The following IGF1R variants were observed in gnomAD, a reference collection of about 807,000 sequenced individuals.
The protein encoded by IGF1R is insulin like growth factor 1 receptor.
Under a neutral mutation model 144.6 loss-of-function variants are expected in IGF1R, and 44 were observed. The observed-to-expected ratio is 0.30, with a 90% confidence interval of 0.24 to 0.39. The LOEUF (loss-of-function observed/expected upper bound fraction) is 0.39. Ranked by LOEUF, IGF1R falls within the 10% of genes least tolerant of loss-of-function variation. The probability of loss-of-function intolerance (pLI) is 1.00; values close to 1 mark genes in which losing one functional copy is unlikely to be tolerated. For synonymous variants in IGF1R, 795 were observed against 722.8 expected, an observed-to-expected ratio of 1.10 and a Z score of -1.60; for missense variants, 1,355 against 1,833.7, an observed-to-expected ratio of 0.74 and a Z score of 4.77.
chr15:98,707,994 A>T lies in IGF1R; in HGVS notation c.527A>T (p.Lys176Met). Residue 176 changes from lysine (K) to methionine (M), a missense_variant, in exon 2 of 21, where the codon AAG becomes ATG. By Grantham distance (95) the Lys-to-Met change is moderately conservative. Coordinates refer to ENST00000650285, the MANE Select transcript of IGF1R (RefSeq NM_000875.5). This position sits in a 1 kb window ranked among gnomAD's most constrained non-coding sequence, Gnocchi z 6.7. ...NNYIVGNKPP[K>M]ECGDLCPGTM... is the part of the protein sequence containing the mutation. The stretch of plus-strand genomic sequence containing the variant: ...TACATTGTGGGGAATAAGCCCCCAA[A>T]GGAATGTGGGGACCTGTGTCCAGGG... The T allele has an allele frequency of 6.2e-7, 1 of 1,614,146 alleles. No individual in the cohort carries two copies. Among genetic ancestry groups the T allele is most frequent in the Non-Finnish European group, 8.5e-7 (1 of 1,180,006 alleles).
At chr15:98,864,610 T>C (rs2141590639) in intron 2 of IGF1R, among the ~76,000 whole-genome samples, 1 of 152,342 alleles carries the variant, frequency 6.6e-6, no homozygotes, top group Non-Finnish European at 1.5e-5. Context: ...CCTCTTGAAC[T>C]CCTGGCCTCA....
At chr15:98,737,090 T>G (rs2054629133) in intron 2 of IGF1R, among the ~76,000 whole-genome samples, 1 of 152,236 alleles carries the variant, frequency 6.6e-6, no homozygotes, top group Non-Finnish European at 1.5e-5. Flanking sequence ...GTTGAGTGTT[T>G]TGAGAGGGAC....
intron 1 of IGF1R, among the ~76,000 whole-genome samples, chr15:98,689,691 A>G (rs575835012): frequency 6.6e-6 from 1 of 152,348 alleles, no homozygotes; most frequent in South Asian, 2.1e-4. Flanking sequence ...GGTTCTTGCC[A>G]CACTTTGCTG....
intron 2 of IGF1R, among the ~76,000 whole-genome samples, chr15:98,744,346 A>C (rs2054815519): frequency 6.6e-6 from 1 of 152,044 alleles, no homozygotes; most frequent in Non-Finnish European, 1.5e-5. Context: ...CAGAGTGAGA[A>C]ATGAAGACCT....
At chr15:98,898,475 C>T (rs1436449539) in intron 4 of IGF1R, among the ~76,000 whole-genome samples, 11 of 152,214 alleles carry the variant, frequency 7.2e-5, no homozygotes, top group Non-Finnish European at 1.0e-4. Flanking sequence ...TCCTGCCCCA[C>T]GTTTAAAATT....
intron 2 of IGF1R, among the ~76,000 whole-genome samples, chr15:98,802,031 T>C (rs562383525): frequency 1.1e-3 from 171 of 152,324 alleles, no homozygotes; most frequent in Non-Finnish European, 2.0e-3. Flanking sequence ...TTCTCCTGCA[T>C]GGGGTCATGT....
In IGF1R at chr15:98,958,577, C is replaced by T. The variant is rs1382925778; in HGVS notation, c.*1135C>T. ...AGCTTTGTTGACATTTTCTCTGTTCCTAGGACTTCTTCATGGGTCTTACAG... is the reference window on the plus strand; with the variant it reads ...AGCTTTGTTGACATTTTCTCTGTTCTTAGGACTTCTTCATGGGTCTTACAG... On this transcript the variant is annotated 3_prime_UTR_variant, in exon 21 of 21. Coordinates refer to ENST00000650285, the MANE Select transcript of IGF1R (RefSeq NM_000875.5). 8.6e-6 allele frequency: 2 copies of T among 232,802 alleles called. No homozygotes were observed. Among genetic ancestry groups the T allele is most frequent in the Non-Finnish European group, 1.7e-5 (2 of 117,552 alleles). The allele number at this position is 232,802 out of a possible 1,614,324, so 14.4% of individuals were successfully genotyped here. A position where few individuals can be genotyped will look rare whatever the true frequency, so the allele number is the denominator to read the frequency against.
intron 2 of IGF1R, among the ~76,000 whole-genome samples, chr15:98,876,249 G>A (rs2013052206): frequency 6.6e-6 from 1 of 151,580 alleles, no homozygotes; most frequent in South Asian, 2.1e-4. Flanking sequence ...CTCATGGGAT[G>A]CCTGTGTTCT....
intron 2 of IGF1R, among the ~76,000 whole-genome samples, chr15:98,797,650 G>T (rs763902669): frequency 6.6e-6 from 1 of 152,124 alleles, no homozygotes; most frequent in Non-Finnish European, 1.5e-5. Flanking sequence ...TCCTCTTCTG[G>T]ATGTGTGCTT....
At position 98,961,184 on chromosome 15, in the gene IGF1R, A is replaced by G. The variant is rs950544087; in HGVS notation, c.*3742A>G. ...TTGGATCAGGGTTTTGTTCTTCCACACTGTAGGTGACCCCTTGGAATAACG... is the reference window on the plus strand; with the variant it reads ...TTGGATCAGGGTTTTGTTCTTCCACGCTGTAGGTGACCCCTTGGAATAACG... On this transcript the variant is annotated 3_prime_UTR_variant, in exon 21 of 21. Coordinates refer to ENST00000650285, the MANE Select transcript of IGF1R (RefSeq NM_000875.5). 1 of 233,320 alleles carries G rather than the reference A, an allele frequency of 4.3e-6. No homozygotes were observed. Among genetic ancestry groups the G allele is most frequent in the African/African-American group, 2.2e-5 (1 of 45,274 alleles). 14.5% of individuals were successfully genotyped at this position (233,320 alleles called of 1,614,324 possible).
At position 98,673,601 on chromosome 15, in the gene IGF1R, C is replaced by T. The variant is rs555726800; in HGVS notation, c.94+23926C>T. Among the ~76,000 whole-genome samples the T allele has an allele frequency of 2.0e-5, 3 of 152,276 alleles. No individual in the cohort carries two copies. In the South Asian group the frequency reaches 6.2e-4, roughly 32 times the overall value. On this transcript the variant is annotated intron_variant, in intron 1 of 20. Coordinates refer to ENST00000650285, the MANE Select transcript of IGF1R (RefSeq NM_000875.5). ...ACACCTGTGCTTGCCTTGAATGGGG[C>T]GGTGACCACTGGATCCCCCCATGCT...
chr15:98,654,440 A>C (rs554745172), intron 1 of IGF1R, among the ~76,000 whole-genome samples: 1 of 152,212 alleles, frequency 6.6e-6, no homozygotes, highest in East Asian at 1.9e-4. Context: ...CATATTGCTT[A>C]GTTAGCTTTC....
At chr15:98,725,216 G>GCA (rs2054329927) in intron 2 of IGF1R, among the ~76,000 whole-genome samples, 1 of 152,154 alleles carries the variant, frequency 6.6e-6, no homozygotes, top group Non-Finnish European at 1.5e-5. Flanking sequence ...AAGGTATTCT[G>GCA]ATGGTGGAAT....
At chr15:98,792,557 GT>G (rs1206163382) in intron 2 of IGF1R, among the ~76,000 whole-genome samples, 2 of 152,162 alleles carry the variant, frequency 1.3e-5, no homozygotes, top group East Asian at 3.8e-4. Flanking sequence ...ATGGTAGGTG[GT>G]TGTTACCCAG....
At position 98,899,678 on chromosome 15, in the gene IGF1R, A is replaced by T; in HGVS notation, c.1247+57A>T. 4 of 1,569,344 alleles carry T rather than the reference A, an allele frequency of 2.5e-6. No homozygotes were observed. The East Asian group carries it at 9.0e-5, about 35-fold the overall frequency. On this transcript the variant is annotated intron_variant, in intron 5 of 20. Transcript: ENST00000650285. ...CTATTACAAAATAAGCAGCGTGCTT[A>T]TGAAACTGTGTTGCTGAGGTAAGAG...
chr15:98,711,375 T>C (rs1378816910), intron 2 of IGF1R, among the ~76,000 whole-genome samples: 2 of 152,184 alleles, frequency 1.3e-5, no homozygotes, highest in African/African-American at 4.8e-5. Flanking sequence ...TGTCGTGCTG[T>C]TGCGCGGTTT....
chr15:98,829,193 G>A (rs2056955945), intron 2 of IGF1R, among the ~76,000 whole-genome samples: 1 of 152,136 alleles, frequency 6.6e-6, no homozygotes, highest in Admixed American at 6.6e-5. Context: ...CATGTAGAAT[G>A]GCAGAAGACT....
intron 2 of IGF1R, among the ~76,000 whole-genome samples, chr15:98,869,780 G>A (rs2012683427): frequency 6.6e-6 from 1 of 152,214 alleles, no homozygotes; most frequent in African/African-American, 2.4e-5. Context: ...CTTAAAGTCT[G>A]TATGTGCACA....
At chr15:98,749,513 A>G (rs1270385029) in intron 2 of IGF1R, among the ~76,000 whole-genome samples, 1 of 152,194 alleles carries the variant, frequency 6.6e-6, no homozygotes, top group African/African-American at 2.4e-5. Flanking sequence ...CTTATTGTCC[A>G]GTTTGCCTTT....
Sources: gnomAD v4.1 joint callset for allele counts (sites outside exome capture counted in the v4.1 genomes callset) on GRCh38, gnomAD v4.1.1 for gene constraint, Gnocchi (gnomAD v3.1) non-coding constraint, MANE v1.5 for transcripts, NCBI Gene and HGNC (gene_info 2026-07-23, HGNC 2026-07-21) for gene names.